Variants in CTNNA3 observed in about 807,000 individuals in gnomAD.
CTNNA3 encodes the protein catenin alpha-3.
In CTNNA3, 76 loss-of-function variants were observed where a neutral mutation model predicts 95.7. The observed-to-expected ratio is 0.79, with a 90% CI of 0.66 to 0.96. The LOEUF (loss-of-function observed/expected upper bound fraction) is 0.96, where lower values mean the gene tolerates loss of function less well. CTNNA3 is among the 40% of genes least tolerant of loss of function. CTNNA3 has a pLI of 0.00. For synonymous variants in CTNNA3, 431 were observed against 374.4 expected, an observed-to-expected ratio of 1.15 and a Z score of -1.74; for missense variants, 1,191 against 1,089.8, an observed-to-expected ratio of 1.09 and a Z score of -1.31.
At chr10:67,501,294 A>G (rs1056753089) in intron 5 of CTNNA3, among the ~76,000 whole-genome samples, 1 of 151,888 alleles carries the variant, frequency 6.6e-6, no homozygotes, top group African/African-American at 2.4e-5. Context: ...ATTGGCCCCC[A>G]CTCTCTTCTG....
chr10:66,851,140 C>A (rs921316491), intron 7 of CTNNA3, among the ~76,000 whole-genome samples: 8 of 152,114 alleles, frequency 5.3e-5, no homozygotes, highest in African/African-American at 1.9e-4. Context: ...ACTATTATTG[C>A]CTATCTGAGC....
At chr10:65,944,897 T>TATCC (rs1554818821) in intron 17 of CTNNA3, among the ~76,000 whole-genome samples, 1 of 114,418 alleles carries the variant, frequency 8.7e-6, no homozygotes, top group African/African-American at 2.8e-5. Context: ...TCTATCTATC[T>TATCC]ATCATCTATC....
chr10:66,373,687 A>T (rs1479408348), intron 12 of CTNNA3, among the ~76,000 whole-genome samples: 1 of 152,122 alleles, frequency 6.6e-6, no homozygotes, highest in Non-Finnish European at 1.5e-5. Context: ...CTTAAAGGGG[A>T]GGAAATTCGC....
chr10:66,266,086 G>A (rs562386458), intron 13 of CTNNA3, among the ~76,000 whole-genome samples: 3 of 149,660 alleles, frequency 2.0e-5, no homozygotes, highest in Non-Finnish European at 4.5e-5. Context: ...AGAGAGGAAG[G>A]GGGGGAGAGA....
intron 7 of CTNNA3, among the ~76,000 whole-genome samples, chr10:67,048,290 T>A (rs1854874304): frequency 6.6e-6 from 1 of 152,056 alleles, no homozygotes; most frequent in African/African-American, 2.4e-5. Flanking sequence ...AGGAATATTG[T>A]TAAACGTATT....
chr10:67,174,348 A>G (rs1325083597), intron 7 of CTNNA3, among the ~76,000 whole-genome samples: 1 of 152,160 alleles, frequency 6.6e-6, no homozygotes, highest in Non-Finnish European at 1.5e-5. Flanking sequence ...TCCTCAATAG[A>G]GGAACCCAGA....
chr10:66,858,181 T>C (rs932907148), intron 7 of CTNNA3, among the ~76,000 whole-genome samples: 5 of 152,164 alleles, frequency 3.3e-5, no homozygotes, highest in Non-Finnish European at 7.4e-5. Flanking sequence ...TGTCTTTATC[T>C]CTGTTTATGT....
At chr10:66,733,912 A>T (rs1849045539) in intron 9 of CTNNA3, among the ~76,000 whole-genome samples, 1 of 151,822 alleles carries the variant, frequency 6.6e-6, no homozygotes, top group Admixed American at 6.5e-5. Context: ...AGTGCTGTAC[A>T]TATTAAAAAT....
intron 7 of CTNNA3, among the ~76,000 whole-genome samples, chr10:66,814,140 A>C (rs890114176): frequency 5.9e-5 from 9 of 152,092 alleles, no homozygotes; most frequent in Admixed American, 2.6e-4. Context: ...TATATGGGGC[A>C]AAAGCTCAGG....
At chr10:66,925,735 G>A (rs1445066348) in intron 7 of CTNNA3, among the ~76,000 whole-genome samples, 1 of 152,210 alleles carries the variant, frequency 6.6e-6, no homozygotes, top group Non-Finnish European at 1.5e-5. Context: ...CGTTCGGTCT[G>A]TGAACTTAAT....
At chr10:66,848,160 T>C (rs1241679039) in intron 7 of CTNNA3, among the ~76,000 whole-genome samples, 2 of 152,186 alleles carry the variant, frequency 1.3e-5, no homozygotes, top group Non-Finnish European at 2.9e-5. Context: ...GAGTTTAGAC[T>C]TAGGTGAATG....
At chr10:66,818,960 C>T (rs942271867) in intron 7 of CTNNA3, among the ~76,000 whole-genome samples, 2 of 151,790 alleles carry the variant, frequency 1.3e-5, no homozygotes, top group South Asian at 2.1e-4. Flanking sequence ...CATGGTAGTG[C>T]GTGCCTGTAA....
chr10:67,428,446 T>C (rs1288221298), intron 5 of CTNNA3, among the ~76,000 whole-genome samples: 3 of 152,082 alleles, frequency 2.0e-5, no homozygotes, highest in Non-Finnish European at 4.4e-5. Context: ...GAAAATACTT[T>C]AATAGGTTTT....
chr10:66,719,764 G>A (rs529556197), intron 9 of CTNNA3, among the ~76,000 whole-genome samples: 1 of 152,240 alleles, frequency 6.6e-6, no homozygotes, highest in African/African-American at 2.4e-5. Flanking sequence ...ATGCCTCCCA[G>A]AGATCTTCTT....
intron 10 of CTNNA3, among the ~76,000 whole-genome samples, chr10:66,550,830 G>C (rs925401218): frequency 4.7e-5 from 7 of 148,784 alleles, no homozygotes; most frequent in African/African-American, 1.2e-4. Flanking sequence ...TTTTCAGTTT[G>C]TTCTAGAGAT....
chr10:67,094,381 T>A (rs1411018654), intron 7 of CTNNA3, among the ~76,000 whole-genome samples: 2 of 151,846 alleles, frequency 1.3e-5, no homozygotes, highest in Non-Finnish European at 2.9e-5. Context: ...TGAAGTAAAA[T>A]TTATTTTCAT....
At chr10:66,366,715 G>T (rs940318820) in intron 12 of CTNNA3, among the ~76,000 whole-genome samples, 2 of 152,050 alleles carry the variant, frequency 1.3e-5, no homozygotes, top group African/African-American at 4.8e-5. Context: ...TGTTATAGCA[G>T]CCTGGATGAA....
chr10:66,911,093 T>C lies in CTNNA3; in HGVS notation c.1048-135569A>G, dbSNP rs142124909. Among the ~76,000 whole-genome samples the C allele has an allele frequency of 1.2e-4, 19 of 152,318 alleles. No individual in the cohort carries two copies. In the East Asian group the frequency reaches 3.7e-3, roughly 29 times the overall value. On this transcript the variant is annotated intron_variant, in intron 7 of 17. Coordinates refer to ENST00000433211, the MANE Select transcript of CTNNA3 (RefSeq NM_013266.4). ...AATATTATGCTAGCCATGTGGAAGA[T>C]AGATTATGTGTGCTAGAATATTAGT...
chr10:66,157,514 G>T (rs1251922133), intron 13 of CTNNA3, among the ~76,000 whole-genome samples: 2 of 149,464 alleles, frequency 1.3e-5, no homozygotes, highest in African/African-American at 2.5e-5. Flanking sequence ...TAGATAGATA[G>T]ATAGATAGAT....
Sources: gnomAD v4.1 joint callset for allele counts (sites outside exome capture counted in the v4.1 genomes callset) on GRCh38, gnomAD v4.1.1 for gene constraint, MANE v1.5 for transcripts, NCBI Gene and HGNC (gene_info 2026-07-23, HGNC 2026-07-21) for gene names.